Variants in AGAP5 observed in about 807,000 individuals in gnomAD.
AGAP5 encodes the protein ArfGAP with GTPase domain, ankyrin repeat and PH domain 5.
AGAP5 carries 8 observed loss-of-function variants against 27.7 expected under a neutral mutation model. That is an observed-to-expected ratio of 0.29 (90% CI 0.17 to 0.52). The LOEUF (loss-of-function observed/expected upper bound fraction) is 0.52, where lower values mean the gene tolerates loss of function less well. Ranked by LOEUF, AGAP5 falls within the 20% of genes least tolerant of loss-of-function variation. The pLI, the probability that AGAP5 is intolerant of heterozygous loss-of-function variation, is 0.97. For missense variants in AGAP5, 285 were observed against 880.8 expected (o/e 0.32, Z 8.56); for synonymous variants, 111 against 338.0 (o/e 0.33, Z 7.37).
chr10:73,690,831 G>A (rs1404518777), intron 4 of AGAP5, among the ~76,000 whole-genome samples: 3 of 152,246 alleles, frequency 2.0e-5, no homozygotes, highest in Middle Eastern at 3.4e-3. Context: ...GATCCCAAAA[G>A]ACTTTAAGGA....
chr10:73,692,497 G>C (rs1412608047), intron 3 of AGAP5, among the ~76,000 whole-genome samples: 1 of 152,056 alleles, frequency 6.6e-6, no homozygotes, highest in Non-Finnish European at 1.5e-5. Flanking sequence ...TTCCTGACCA[G>C]ACACCTATCT....
In AGAP5 at chr10:73,674,858, T is replaced by A; in HGVS notation, c.1802A>T (p.Gln601Leu). ...ATGTGCCAGCAGCAGGATGGCTGTC[T>A]GCAGGTCCTCATCAGCGGTGGCCCG... ...LLRATADEDL[Q>L]TAILLLAHGS... is the part of the protein sequence containing the mutation. The change falls in exon 8 of 8, where the codon CAG (glutamine) becomes CTG (leucine). Residue 601 changes from glutamine to leucine, a missense_variant. Transcript: ENST00000374094. 1 of 1,611,900 alleles carries A rather than the reference T, an allele frequency of 6.2e-7. No homozygotes were observed. The highest frequency in any genetic ancestry group is 2.2e-5 in the East Asian group (1 of 44,878).
At chr10:73,694,315 T>C (rs1426197246) in intron 3 of AGAP5, among the ~76,000 whole-genome samples, 2 of 152,200 alleles carry the variant, frequency 1.3e-5, no homozygotes, top group African/African-American at 4.8e-5. Context: ...TCCCTGATGA[T>C]AAACAACTAT....
intron 6 of AGAP5, among the ~76,000 whole-genome samples, chr10:73,677,652 T>C (rs2081991476): frequency 6.6e-6 from 1 of 152,138 alleles, no homozygotes; most frequent in African/African-American, 2.4e-5. Context: ...TCCAAAGTGC[T>C]GGGATTACAG....
intron 6 of AGAP5, among the ~76,000 whole-genome samples, chr10:73,678,049 T>C (rs1226690586): frequency 1.3e-5 from 2 of 152,176 alleles, no homozygotes; most frequent in South Asian, 2.1e-4. Flanking sequence ...GTGATTTAAC[T>C]GTGAACTGAA....
rs562085719 is a variant in AGAP5 at position 73,674,461 on chromosome 10, G to A, written c.*138C>T. On this transcript the variant is annotated 3_prime_UTR_variant, in exon 8 of 8. Coordinates refer to ENST00000374094, the MANE Select transcript of AGAP5 (RefSeq NM_001144000.4). Reference sequence around the variant, plus strand: ...ATGGTCAGAAAAATCAACATTTTGTGTATTTACTTAGTTTATGAAAAGTAC... The same window carrying A: ...ATGGTCAGAAAAATCAACATTTTGTATATTTACTTAGTTTATGAAAAGTAC... 1,533 of 1,564,630 alleles carry A rather than the reference G, an allele frequency of 9.8e-4. 2 individuals are homozygous for A. Among genetic ancestry groups the A allele is most frequent in the Non-Finnish European group, 1.2e-3 (1,429 of 1,153,520 alleles).
At chr10:73,693,338 T>C (rs1286875621) in intron 3 of AGAP5, among the ~76,000 whole-genome samples, 1 of 152,172 alleles carries the variant, frequency 6.6e-6, no homozygotes, top group Non-Finnish European at 1.5e-5. Flanking sequence ...TGGCAGTGGA[T>C]TCCTTATGAA....
intron 6 of AGAP5, 93 bp from the exon 7 acceptor site, chr10:73,676,863 T>C (rs1464758781): frequency 1.3e-6 from 1 of 772,448 alleles, no homozygotes; most frequent in African/African-American, 1.7e-5. Context: ...TGCTTTGGTG[T>C]TTACTTTACC....
intron 6 of AGAP5, among the ~76,000 whole-genome samples, chr10:73,679,258 G>A (rs2082005653): frequency 6.6e-6 from 1 of 152,050 alleles, no homozygotes; most frequent in Non-Finnish European, 1.5e-5. Context: ...CGCCTCCCAA[G>A]TTCAAGCGGT....
rs1347499592 is a variant in AGAP5, at chr10:73,674,434, T to G, written c.*165A>C. 13 of 1,457,312 alleles carry G rather than the reference T, an allele frequency of 8.9e-6. No individual in the cohort carries two copies. The highest frequency in any genetic ancestry group is 1.2e-5 in the Non-Finnish European group (13 of 1,081,572). 90.3% of individuals were successfully genotyped at this position (1,457,312 alleles called of 1,614,324 possible). Reference sequence around the variant, plus strand: ...TTGGCAAAAGGACATAAAATATGTCTTATGGTCAGAAAAATCAACATTTTG... The same window carrying G: ...TTGGCAAAAGGACATAAAATATGTCGTATGGTCAGAAAAATCAACATTTTG... On this transcript the variant is annotated 3_prime_UTR_variant, in exon 8 of 8. Coordinates refer to ENST00000374094, the MANE Select transcript of AGAP5 (RefSeq NM_001144000.4).
Position 73,675,628 on chromosome 10 carries a change from C to A in AGAP5, c.1032G>T (p.Trp344Cys). The A allele has an allele frequency of 6.2e-7, 1 of 1,614,220 alleles. No individual in the cohort carries two copies. Among genetic ancestry groups the A allele is most frequent in the South Asian group, 1.1e-5 (1 of 91,088 alleles). ...CACAGGCCGATGTGGCTAGGGATGG[C>A]CACTTTCCTGGGACTTTGATGGTAG... ...RTSTIKVPGK[W>C]PSLATSACAP... is the part of the protein sequence containing the mutation. Residue 344 changes from tryptophan to cysteine, a missense_variant, in exon 8 of 8, where the codon TGG (tryptophan) becomes TGT (cysteine). Physicochemically the swap from Trp to Cys is radical, Grantham distance 215 (BLOSUM62 -2). Transcript: ENST00000374094.
In AGAP5 at chr10:73,697,991, G is replaced by A; in HGVS notation, c.-236C>T. ...TCCCCTGAGTTGACTTGTCTGGGAGGGTGAAGACCAGCTGGCTTATTTAAT... is the reference window on the plus strand; with the variant it reads ...TCCCCTGAGTTGACTTGTCTGGGAGAGTGAAGACCAGCTGGCTTATTTAAT... On this transcript the variant is annotated 5_prime_UTR_variant, in exon 1 of 8. Coordinates refer to ENST00000374094, the MANE Select transcript of AGAP5 (RefSeq NM_001144000.4). The A allele has an allele frequency of 2.0e-6, 3 of 1,467,408 alleles. No individual in the cohort carries two copies. Among genetic ancestry groups the A allele is most frequent in the Non-Finnish European group, 2.7e-6 (3 of 1,114,906 alleles). The allele number at this position is 1,467,408 out of a possible 1,614,324, so 90.9% of individuals were successfully genotyped here.
In AGAP5 at chr10:73,697,574, T is replaced by G; in HGVS notation, c.182A>C (p.Asp61Ala). The change falls in exon 1 of 8, where the codon GAC becomes GCC. Residue 61 changes from aspartate to alanine, a missense_variant. Physicochemically the swap from Asp to Ala is moderately radical, Grantham distance 126. Coordinates refer to ENST00000374094, the MANE Select transcript of AGAP5 (RefSeq NM_001144000.4). Reference protein sequence around the residue: ...PAEVTVEVGEDLHMHHIRDQE... With the variant: ...PAEVTVEVGEALHMHHIRDQE... ...GTCACGAATGTGGTGCATGTGGAGG[T>G]CCTCACCAACTTCAACGGTCACCTC... 1 of 1,612,242 alleles carries G rather than the reference T, an allele frequency of 6.2e-7. No homozygotes were observed. The highest frequency in any genetic ancestry group is 1.7e-4 in the Middle Eastern group (1 of 5,940).
chr10:73,686,798 C>T (rs895686960), intron 4 of AGAP5, among the ~76,000 whole-genome samples: 3 of 152,114 alleles, frequency 2.0e-5, no homozygotes, highest in Admixed American at 2.0e-4. Flanking sequence ...CCACCTCAGC[C>T]ATAATAAGGA....
At chr10:73,695,094 A>T (rs1461413394) in intron 2 of AGAP5, among the ~76,000 whole-genome samples, 1 of 152,094 alleles carries the variant, frequency 6.6e-6, no homozygotes, top group Admixed American at 6.6e-5. Context: ...AAAAAAAATG[A>T]AGAGGTAAAT....
chr10:73,675,918 T>G lies in AGAP5; in HGVS notation c.742A>C (p.Met248Leu), dbSNP rs764742495. Residue 248 changes from methionine (M) to leucine (L), a missense_variant, in exon 8 of 8, where the codon ATG becomes CTG. Met to Leu is a conservative substitution (Grantham distance 15). Transcript: ENST00000374094. ...NTPTPVCKRS[M>L]RWSNLFTSEK... The stretch of plus-strand genomic sequence containing the variant: ...GATGTAAACAGGTTGGACCAGCGCA[T>G]GGACCGCTTGCAAACGGGGGTGGGT... 1.2e-6 allele frequency: 2 copies of G among 1,613,566 alleles called. No homozygotes were observed. The highest frequency in any genetic ancestry group is 1.7e-6 in the Non-Finnish European group (2 of 1,179,892).
chr10:73,697,704 C>T lies in AGAP5; in HGVS notation c.52G>A (p.Asp18Asn), dbSNP rs776736238. 4 of 1,598,276 alleles carry T rather than the reference C, an allele frequency of 2.5e-6. No individual in the cohort carries two copies. The highest frequency in any genetic ancestry group is 2.7e-5 in the African/African-American group (2 of 74,866). ...CVHPSVSLEF[D>N]QQQGSVCPSE... Reference sequence around the variant, plus strand: ...GGACACACCGACCCCTGTTGCTGGTCAAACTCGAGGCTGACGCTAGGGTGC... The same window carrying T: ...GGACACACCGACCCCTGTTGCTGGTTAAACTCGAGGCTGACGCTAGGGTGC... Residue 18 changes from aspartate to asparagine, a missense_variant, in exon 1 of 8, where the codon GAC (aspartate) becomes AAC (asparagine). Coordinates refer to ENST00000374094, the MANE Select transcript of AGAP5 (RefSeq NM_001144000.4).
At chr10:73,686,174 G>A (rs1290557893) in intron 4 of AGAP5, among the ~76,000 whole-genome samples, 2 of 152,102 alleles carry the variant, frequency 1.3e-5, no homozygotes, top group East Asian at 1.9e-4. Flanking sequence ...GGCCATAGTC[G>A]CCAAAATAGC....
chr10:73,679,053 A>C (rs1251374100), intron 6 of AGAP5, among the ~76,000 whole-genome samples: 1 of 146,152 alleles, frequency 6.8e-6, no homozygotes, highest in Non-Finnish European at 1.5e-5. Context: ...GGGTTTTACC[A>C]TGTTGGTCGG....
Sources: allele counts gnomAD v4.1 joint callset (sites outside exome capture counted in the v4.1 genomes callset), GRCh38; gene constraint gnomAD v4.1.1; transcripts MANE v1.5; gene names NCBI Gene and HGNC (gene_info 2026-07-23, HGNC 2026-07-21).